CCDC187: variants seen among roughly 807,000 people sequenced by gnomAD.
The protein encoded by CCDC187 is coiled-coil domain-containing protein 187.
Under a neutral mutation model 38.0 loss-of-function variants are expected in CCDC187, and 32 were observed. That is an observed-to-expected ratio of 0.84 (90% CI 0.64 to 1.13). CCDC187 has a LOEUF of 1.13. Among genes scored for constraint, CCDC187 ranks in the 50% most tolerant of loss-of-function variants. The pLI is 0.00. For synonymous variants in CCDC187, 333 were observed against 347.9 expected, an observed-to-expected ratio of 0.96 and a Z score of 0.48; for missense variants, 707 against 786.8, an observed-to-expected ratio of 0.90 and a Z score of 1.21.
At position 136,254,670 on chromosome 9, in the gene CCDC187, A is replaced by T; in HGVS notation, c.5158T>A (p.Leu1720Met). Reference sequence around the variant, plus strand: ...GAAACTTCTGCCATGGCCGTGTCCAAGGAGGAGCCACGCAGGGGGCCGGCC... The same window carrying T: ...GAAACTTCTGCCATGGCCGTGTCCATGGAGGAGCCACGCAGGGGGCCGGCC... ...RRAGPLRGSS[L>M]DTAMAEVSAP... The change falls in exon 26 of 26, where the codon TTG (leucine) becomes ATG (methionine). Residue 1720 changes from leucine to methionine, a missense_variant. Physicochemically the swap from Leu to Met is conservative, Grantham distance 15. Transcript: ENST00000638797. The T allele has an allele frequency of 1.0e-6, 1 of 985,498 alleles. No homozygotes were observed. Among genetic ancestry groups the T allele is most frequent in the Non-Finnish European group, 1.2e-6 (1 of 829,970 alleles). The allele number at this position is 985,498 out of a possible 1,614,324, so 61.0% of individuals were successfully genotyped here. A position where few individuals can be genotyped will look rare whatever the true frequency, so the allele number is the denominator to read the frequency against.
rs1302665627 is a variant in CCDC187, at chr9:136,286,150, C to T, written c.2768G>A (p.Trp923Ter). 2.5e-6 allele frequency: 1 copy of T among 398,474 alleles called. No homozygotes were observed. Among genetic ancestry groups the T allele is most frequent in the Non-Finnish European group, 4.4e-6 (1 of 226,040 alleles). 24.7% of individuals were successfully genotyped at this position (398,474 alleles called of 1,614,324 possible). ...CTGCTGTTGCTCCCAGCTGGGGCCC[C>T]ACGACAGTGTCTCGCCGTCCAGGAA... ...TYFLDGETLS[W>*]GPSWEQQQSV... The change falls in exon 8 of 26, where the codon TGG (tryptophan) becomes TAG (stop). Residue 923 changes from tryptophan (W) to a stop codon, truncating the protein, a stop_gained. Coordinates refer to ENST00000638797, the MANE Select transcript of CCDC187 (RefSeq NM_001378188.1). LOFTEE classifies it high-confidence loss of function.
chr9:136,306,316 C>G (rs1328157725), upstream of CCDC187, among the ~76,000 whole-genome samples: 4 of 152,330 alleles, frequency 2.6e-5, no homozygotes, highest in Admixed American at 6.5e-5. Context: ...CCACACTGCT[C>G]TCTCCACTCC....
At position 136,281,604 on chromosome 9, in the gene CCDC187, G is replaced by T. The variant is rs930488564; in HGVS notation, c.2987C>A (p.Thr996Lys). The T allele has an allele frequency of 1.3e-5, 5 of 398,478 alleles. No homozygotes were observed. Among genetic ancestry groups the T allele is most frequent in the Non-Finnish European group, 2.2e-5 (5 of 226,096 alleles). 24.7% of individuals were successfully genotyped at this position (398,478 alleles called of 1,614,324 possible). The change falls in exon 10 of 26, where the codon ACG becomes AAG. Residue 996 changes from threonine (T) to lysine (K), a missense_variant. Thr to Lys is a moderately conservative substitution (Grantham distance 78, BLOSUM62 -1). Transcript: ENST00000638797. ...PIWGSLGLEE[T>K]PSVGGADSVA... ...AGAATCTGCCCCTCCGACCGACGGC[G>T]TCTCCTCCAGTCCCAGGGAGCCCCA...
At chr9:136,281,291 G>T (rs934705456) in intron 10 of CCDC187, 8 of 397,676 alleles carry the variant, frequency 2.0e-5, no homozygotes, top group Non-Finnish European at 3.1e-5. Flanking sequence ...AGCGGCACGG[G>T]GCATGGCTGT....
At chr9:136,260,861 C>T (rs543309747) in intron 19 of CCDC187, among the ~76,000 whole-genome samples, 3 of 152,288 alleles carry the variant, frequency 2.0e-5, no homozygotes, top group South Asian at 4.1e-4. Context: ...GGCTGCAGCC[C>T]GCACTCTCAC....
intron 10 of CCDC187, among the ~76,000 whole-genome samples, chr9:136,278,348 C>G (rs1299085918): frequency 6.6e-6 from 1 of 152,194 alleles, no homozygotes; most frequent in Non-Finnish European, 1.5e-5. Context: ...CAGCACCCAA[C>G]AGATCAGAGG....
intron 3 of CCDC187, among the ~76,000 whole-genome samples, chr9:136,298,386 G>T (rs1010023901): frequency 5.3e-5 from 8 of 152,328 alleles, no homozygotes; most frequent in Admixed American, 2.0e-4. Flanking sequence ...TGGAGAGCCC[G>T]AGGGGGCGGA....
chr9:136,292,225 A>G lies in CCDC187; in HGVS notation c.903T>C (p.Pro301=), dbSNP rs1056682616. The G allele has an allele frequency of 1.5e-5, 6 of 398,576 alleles. No individual in the cohort carries two copies. The highest frequency in any genetic ancestry group is 2.2e-5 in the Non-Finnish European group (5 of 226,184). The allele number at this position is 398,576 out of a possible 1,614,324, so 24.7% of individuals were successfully genotyped here. ...QALVRSLLGP[P]PVLRRHHSKD... ...TGCTATGGTGCCTGCGGAGGACGGG[A>G]GGGGGCCCAAGCAGCGACCTCACCA... is the stretch of plus-strand genomic sequence containing the variant. The change falls in exon 5 of 26, where the codon CCT becomes CCC. Residue 301 remains proline (P), a synonymous_variant. Coordinates refer to ENST00000638797, the MANE Select transcript of CCDC187 (RefSeq NM_001378188.1).
Position 136,303,093 on chromosome 9 carries a change from G to T in CCDC187, c.344C>A (p.Ser115Ter). 2.5e-6 allele frequency: 1 copy of T among 398,604 alleles called. No homozygotes were observed. Among genetic ancestry groups the T allele is most frequent in the Non-Finnish European group, 4.4e-6 (1 of 226,034 alleles). The allele number at this position is 398,604 out of a possible 1,614,324, so 24.7% of individuals were successfully genotyped here. The change falls in exon 2 of 26, where the codon TCG (serine) becomes TAG (stop). Residue 115 changes from serine to a stop codon, truncating the protein, a stop_gained. Coordinates refer to ENST00000638797, the MANE Select transcript of CCDC187 (RefSeq NM_001378188.1). LOFTEE classifies it high-confidence loss of function. Reference protein sequence around the residue: ...EARDGDSSVSSGRLSCSSGGH... With the variant: ...EARDGDSSVS Reference sequence around the variant, plus strand: ...CCCCGAAGAGCACGAGAGGCGGCCCGATGACACCGAGCTGTCCCCATCCCT... The same window carrying T: ...CCCCGAAGAGCACGAGAGGCGGCCCTATGACACCGAGCTGTCCCCATCCCT...
At chr9:136,298,693 C>T (rs1588675582) in intron 3 of CCDC187, among the ~76,000 whole-genome samples, 1 of 152,236 alleles carries the variant, frequency 6.6e-6, no homozygotes, top group East Asian at 1.9e-4. Context: ...AGAGCCAGGT[C>T]CTCTGCAAGG....
Position 136,300,224 on chromosome 9 carries a change from A to G in CCDC187, c.720T>C (p.Val240=), listed in dbSNP as rs1831643483. Residue 240 remains valine, a synonymous_variant, in exon 3 of 26, where the codon GTT becomes GTC. Transcript: ENST00000638797. ...AGCCGCCGCAGAGCCGCTCACCAGGAACCTGGTGCTGGGAGACCCTGGAGA... is the reference window on the plus strand; with the variant it reads ...AGCCGCCGCAGAGCCGCTCACCAGGGACCTGGTGCTGGGAGACCCTGGAGA... The part of the protein sequence containing the change: ...RELSRVSQHQ[V]PVLREKPKRV... The G allele has an allele frequency of 2.5e-6, 1 of 398,666 alleles. No homozygotes were observed. Among genetic ancestry groups the G allele is most frequent in the Admixed American group, 4.4e-5 (1 of 22,740 alleles). 24.7% of individuals were successfully genotyped at this position (398,666 alleles called of 1,614,324 possible). A position where few individuals can be genotyped will look rare whatever the true frequency, so the allele number is the denominator to read the frequency against.
intron 14 of CCDC187, among the ~76,000 whole-genome samples, chr9:136,270,507 A>G (rs948857552): frequency 4.6e-5 from 7 of 152,028 alleles, no homozygotes; most frequent in African/African-American, 1.7e-4. Flanking sequence ...GACTTCCACT[A>G]TTTCTTCTTC....
rs1554760355 is a variant in CCDC187 at position 136,256,761 on chromosome 9, C to T, written c.4447G>A (p.Glu1483Lys). Residue 1483 changes from glutamate (E) to lysine (K), a missense_variant, in exon 23 of 26, where the codon GAA becomes AAA. Transcript: ENST00000638797. Reference sequence around the variant, plus strand: ...CTGCCGCAGGAGCGTCGGCTGCGTTCCCTGAAGCTCCCCACATGGCTGTCT... The same window carrying T: ...CTGCCGCAGGAGCGTCGGCTGCGTTTCCTGAAGCTCCCCACATGGCTGTCT... ...PTDSHVGSFR[E>K]RSRRSCGREG... is the part of the protein sequence containing the mutation. The T allele has an allele frequency of 2.6e-5, 4 of 152,250 alleles. No homozygotes were observed. The highest frequency in any genetic ancestry group is 9.6e-5 in the African/African-American group (4 of 41,468). The allele number at this position is 152,250 out of a possible 1,614,324, so 9.4% of individuals were successfully genotyped here.
At chr9:136,268,372 A>G (rs1445661368) in intron 14 of CCDC187, among the ~76,000 whole-genome samples, 1 of 152,194 alleles carries the variant, frequency 6.6e-6, no homozygotes, top group Non-Finnish European at 1.5e-5. Context: ...CCAAAAGTAG[A>G]GGAAGCTCAG....
intron 10 of CCDC187, among the ~76,000 whole-genome samples, chr9:136,276,950 G>A (rs1830943925): frequency 6.6e-6 from 1 of 152,058 alleles, no homozygotes; most frequent in Admixed American, 6.5e-5. Context: ...GGAAGGGCTG[G>A]GAGGGCTGCA....
chr9:136,272,340 A>G (rs371742947), intron 14 of CCDC187, among the ~76,000 whole-genome samples: 9 of 152,338 alleles, frequency 5.9e-5, no homozygotes, highest in African/African-American at 1.4e-4. Context: ...AATGATAACA[A>G]TGTATCGCAG....
At chr9:136,298,408 G>C (rs1831588213) in intron 3 of CCDC187, among the ~76,000 whole-genome samples, 1 of 152,100 alleles carries the variant, frequency 6.6e-6, no homozygotes, top group Admixed American at 6.5e-5. Context: ...TTTGTTCAAA[G>C]TCCCGCAGCG....
Position 136,258,563 on chromosome 9 carries a change from A to G in CCDC187, c.4366+369T>C, listed in dbSNP as rs1472380663. On this transcript the variant is annotated intron_variant, in intron 22 of 25. Transcript: ENST00000638797. This position sits in a 1 kb window ranked among gnomAD's most constrained non-coding sequence, Gnocchi z 4.3. ...CTCGGGGGGGGCCCCGGCCAAGTGT[A>G]AGGTTCAGAAAGAGAAAAATGTAAT... Among the ~76,000 whole-genome samples, 3 of 152,174 alleles carry G rather than the reference A, an allele frequency of 2.0e-5. No homozygotes were observed. The highest frequency in any genetic ancestry group is 4.4e-5 in the Non-Finnish European group (3 of 68,032).
At chr9:136,277,446 T>C (rs1178431792) in intron 10 of CCDC187, among the ~76,000 whole-genome samples, 5 of 50,464 alleles carry the variant, frequency 9.9e-5, no homozygotes, top group Non-Finnish European at 1.9e-4. Flanking sequence ...TGGGTGCAGA[T>C]GGGGTGGGCG....
Sources: allele counts gnomAD v4.1 joint callset (sites outside exome capture counted in the v4.1 genomes callset), GRCh38; gene constraint gnomAD v4.1.1; non-coding constraint Gnocchi (gnomAD v3.1); transcripts MANE v1.5; gene names NCBI Gene and HGNC (gene_info 2026-07-23, HGNC 2026-07-21).